SMAD9: variants seen among roughly 807,000 people sequenced by gnomAD.
SMAD9 encodes MAD homolog 9.
In SMAD9, 36 loss-of-function variants were observed where a neutral mutation model predicts 46.1. That is an observed-to-expected ratio of 0.78 (90% CI 0.60 to 1.03). SMAD9 has a LOEUF of 1.03. Ranked by LOEUF, SMAD9 falls within the 50% of genes least tolerant of loss-of-function variation. The pLI is 0.00. For synonymous variants in SMAD9, 245 were observed against 237.1 expected, an observed-to-expected ratio of 1.03 and a Z score of -0.31; for missense variants, 572 against 599.8, an observed-to-expected ratio of 0.95 and a Z score of 0.48.
At chr13:36,874,583 C>T (rs1169171894) in intron 2 of SMAD9, among the ~76,000 whole-genome samples, 1 of 152,110 alleles carries the variant, frequency 6.6e-6, no homozygotes, top group African/African-American at 2.4e-5. Context: ...TGAGGCTGGG[C>T]ATGGTGGCTC....
At chr13:36,860,287 G>A (rs1216029450) in intron 5 of SMAD9, among the ~76,000 whole-genome samples, 1 of 152,082 alleles carries the variant, frequency 6.6e-6, no homozygotes, top group East Asian at 1.9e-4. Context: ...AGAAAATAAA[G>A]ATTCATAAAA....
At position 36,881,551 on chromosome 13, in the gene SMAD9, A is replaced by G. The variant is rs150734868; in HGVS notation, c.-186-1676T>C. Among the ~76,000 whole-genome samples, 67 of 152,334 alleles carry G rather than the reference A, an allele frequency of 4.4e-4. No homozygotes were observed. In the East Asian group the frequency reaches 7.7e-3, roughly 18 times the overall value. Reference sequence around the variant, plus strand: ...GTCCCACAATAACGGATGAGATTTAATAAGTATAAAGCAATAGTCACATCA... The same window carrying G: ...GTCCCACAATAACGGATGAGATTTAGTAAGTATAAAGCAATAGTCACATCA... On this transcript the variant is annotated intron_variant, in intron 1 of 6. Coordinates refer to ENST00000379826, the MANE Select transcript of SMAD9 (RefSeq NM_001127217.3).
intron 1 of SMAD9, among the ~76,000 whole-genome samples, chr13:36,918,678 C>A (rs2058717299): frequency 6.6e-6 from 1 of 152,178 alleles, no homozygotes; most frequent in South Asian, 2.1e-4. Context: ...CACAGGGAAA[C>A]TCTTATATTG....
rs535124404 is a variant in SMAD9, at chr13:36,852,010, G to A, written c.1260+1409C>T. 34 of 980,844 alleles carry A rather than the reference G, an allele frequency of 3.5e-5. No individual in the cohort carries two copies. In the Admixed American group the frequency reaches 6.8e-4, roughly 20 times the overall value. 60.8% of individuals were successfully genotyped at this position (980,844 alleles called of 1,614,324 possible). On this transcript the variant is annotated intron_variant, in intron 6 of 6. Coordinates refer to ENST00000379826, the MANE Select transcript of SMAD9 (RefSeq NM_001127217.3). The stretch of plus-strand genomic sequence containing the variant: ...TATGATTCAAATGATGCCCTCTGCC[G>A]TTTCTAAAGCAACAGAACATTTGAA...
At chr13:36,914,416 G>A (rs149371106) in intron 1 of SMAD9, among the ~76,000 whole-genome samples, 3,987 of 152,228 alleles carry the variant, frequency 0.026, 167 homozygotes, top group African/African-American at 0.091. Flanking sequence ...CTACTTGGGA[G>A]GCTGAAGCGG....
chr13:36,872,780 T>G lies in SMAD9; in HGVS notation c.548A>C (p.Gln183Pro). 6.2e-7 allele frequency: 1 copy of G among 1,614,032 alleles called. No homozygotes were observed. The highest frequency in any genetic ancestry group is 8.5e-7 in the Non-Finnish European group (1 of 1,180,026). ...GGGAGGGAGTGCAGAGCACGGAGGCTGCTGGAAAGAGTCAGGATAGGTGGC... is the reference window on the plus strand; with the variant it reads ...GGGAGGGAGTGCAGAGCACGGAGGCGGCTGGAAAGAGTCAGGATAGGTGGC... ...HNATYPDSFQ[Q>P]PPCSALPPSP... Residue 183 changes from glutamine to proline, a missense_variant, in exon 3 of 7, where the codon CAG becomes CCG. Physicochemically the swap from Gln to Pro is moderately conservative, Grantham distance 76. Coordinates refer to ENST00000379826, the MANE Select transcript of SMAD9 (RefSeq NM_001127217.3).
chr13:36,879,509 A>G lies in SMAD9; in HGVS notation c.181T>C (p.Cys61Arg). Residue 61 changes from cysteine (C) to arginine (R), a missense_variant, in exon 2 of 7, where the codon TGC becomes CGC. Physicochemically the swap from Cys to Arg is radical, Grantham distance 180. Transcript: ENST00000379826. ...ACGCATTTGCTGGGCTGCCCCGGGC[A>G]GCTGAGAGCCCTCTCCAGCTCGTCC... ...AMDELERALSCPGQPSKCVTI... is the reference protein window; with the variant it reads ...AMDELERALSRPGQPSKCVTI... 2 of 1,614,128 alleles carry G rather than the reference A, an allele frequency of 1.2e-6. No individual in the cohort carries two copies. Among genetic ancestry groups the G allele is most frequent in the South Asian group, 1.1e-5 (1 of 91,092 alleles).
intron 1 of SMAD9, among the ~76,000 whole-genome samples, chr13:36,918,565 CCTT>C (rs1188443757): frequency 6.6e-6 from 1 of 152,182 alleles, no homozygotes; most frequent in Non-Finnish European, 1.5e-5. Context: ...TTAAAATGCT[CCTT>C]ATTTATAAAG....
At chr13:36,876,871 A>T (rs1327814527) in intron 2 of SMAD9, among the ~76,000 whole-genome samples, 1 of 152,224 alleles carries the variant, frequency 6.6e-6, no homozygotes, top group African/African-American at 2.4e-5. Context: ...ATGGATAGCT[A>T]ACTAGATATA....
rs1017177815 is a variant in SMAD9 at position 36,879,169 on chromosome 13, T to C, written c.412+109A>G. On this transcript the variant is annotated intron_variant, in intron 2 of 6. Coordinates refer to ENST00000379826, the MANE Select transcript of SMAD9 (RefSeq NM_001127217.3). ...GAACCTCCCTCTCCTCTCTTCTCTC[T>C]CTCTCTTTTGGGAGAGGTCCCTGTC... 14 of 1,028,800 alleles carry C rather than the reference T, an allele frequency of 1.4e-5. No homozygotes were observed. In the South Asian group the frequency reaches 1.6e-4, roughly 12 times the overall value. 63.7% of individuals were successfully genotyped at this position (1,028,800 alleles called of 1,614,324 possible).
At chr13:36,910,758 C>T (rs1353217985) in intron 1 of SMAD9, among the ~76,000 whole-genome samples, 2 of 152,150 alleles carry the variant, frequency 1.3e-5, no homozygotes, top group African/African-American at 4.8e-5. Context: ...CTGATCAGCT[C>T]TCTGCTGCTC....
At chr13:36,883,877 A>G (rs1047043827) in intron 1 of SMAD9, among the ~76,000 whole-genome samples, 3 of 152,182 alleles carry the variant, frequency 2.0e-5, no homozygotes, top group African/African-American at 4.8e-5. Flanking sequence ...TCACAGATCA[A>G]CTGTGTGCTC....
In SMAD9 at chr13:36,848,522, G is replaced by A; in HGVS notation, c.*154C>T. Reference sequence around the variant, plus strand: ...GTACTGGCATCAGGTTAACTAGAAAGCACAAAACAAACGGTGATTAAAAAA... The same window carrying A: ...GTACTGGCATCAGGTTAACTAGAAAACACAAAACAAACGGTGATTAAAAAA... On this transcript the variant is annotated 3_prime_UTR_variant, in exon 7 of 7. Coordinates refer to ENST00000379826, the MANE Select transcript of SMAD9 (RefSeq NM_001127217.3). The A allele has an allele frequency of 1.3e-6, 1 of 791,818 alleles. No homozygotes were observed. The highest frequency in any genetic ancestry group is 2.1e-6 in the Non-Finnish European group (1 of 465,838). The allele number at this position is 791,818 out of a possible 1,614,324, so 49.0% of individuals were successfully genotyped here. A position where few individuals can be genotyped will look rare whatever the true frequency, so the allele number is the denominator to read the frequency against.
In SMAD9 at chr13:36,881,792, G is replaced by T. The variant is rs192932247; in HGVS notation, c.-186-1917C>A. 5.9e-5 allele frequency among the ~76,000 whole-genome samples: 9 copies of T among 152,332 alleles called. No individual in the cohort carries two copies. The East Asian group carries it at 1.7e-3, about 29-fold the overall frequency. On this transcript the variant is annotated intron_variant, in intron 1 of 6. Coordinates refer to ENST00000379826, the MANE Select transcript of SMAD9 (RefSeq NM_001127217.3). ...TCTGTTTACTTAATCTAGTCAGGCT[G>T]CCTTAAAGCAATGGCTGAAGAGGGT...
chr13:36,872,720 G>A lies in SMAD9; in HGVS notation c.608C>T (p.Thr203Met), dbSNP rs753212287. 1.8e-5 allele frequency: 29 copies of A among 1,613,882 alleles called. No individual in the cohort carries two copies. The highest frequency in any genetic ancestry group is 1.2e-4 in the South Asian group (11 of 91,072). The change falls in exon 3 of 7, where the codon ACG (threonine) becomes ATG (methionine). Residue 203 changes from threonine (T) to methionine (M), a missense_variant. By Grantham distance (81) the Thr-to-Met change is moderately conservative. Transcript: ENST00000379826. ...TCCTGGGGAGTGAGGGTAGCTGGCC[G>A]TGCACGGGGACTGGGAGAACGCGTG... is the stretch of plus-strand genomic sequence containing the variant. The part of the protein sequence containing the change: ...PSHAFSQSPC[T>M]ASYPHSPGSP...
At position 36,848,570 on chromosome 13, in the gene SMAD9, T is replaced by C; in HGVS notation, c.*106A>G. ...AAAAATAAGAACAGTATACATTCTA[T>C]GTATTTACACATGTTTTTAGAAACT... On this transcript the variant is annotated 3_prime_UTR_variant, in exon 7 of 7. Transcript: ENST00000379826. The C allele has an allele frequency of 9.5e-7, 1 of 1,056,824 alleles. No individual in the cohort carries two copies. The allele number at this position is 1,056,824 out of a possible 1,614,324, so 65.5% of individuals were successfully genotyped here.
intron 3 of SMAD9, among the ~76,000 whole-genome samples, chr13:36,871,634 A>G (rs1054312072): frequency 6.6e-6 from 1 of 152,242 alleles, no homozygotes; most frequent in African/African-American, 2.4e-5. Flanking sequence ...TAGAAAAAAG[A>G]AGGCTCGCTG....
chr13:36,856,486 C>T (rs564141374), intron 5 of SMAD9, among the ~76,000 whole-genome samples: 1 of 152,196 alleles, frequency 6.6e-6, no homozygotes, highest in Non-Finnish European at 1.5e-5. Flanking sequence ...GAGAGAAGAG[C>T]AGAGCCAATG....
intron 3 of SMAD9, 22 bp downstream of exon 3, chr13:36,872,636 A>C (rs2058305981): frequency 6.2e-7 from 1 of 1,613,492 alleles, no homozygotes; most frequent in Non-Finnish European, 8.5e-7. Context: ...GTATTTCCCC[A>C]CAGACCATAG....
Sources: allele counts gnomAD v4.1 joint callset (sites outside exome capture counted in the v4.1 genomes callset), GRCh38; gene constraint gnomAD v4.1.1; transcripts MANE v1.5; gene names NCBI Gene and HGNC (gene_info 2026-07-23, HGNC 2026-07-21).